ARHGAP26: variants seen among roughly 807,000 people sequenced by gnomAD.
ARHGAP26 encodes Rho GTPase activating protein 26.
In ARHGAP26, 38 loss-of-function variants were observed where a neutral mutation model predicts 104.8. The ratio of observed to expected loss-of-function variants is 0.36; its 90% confidence interval spans 0.28 to 0.48. The LOEUF (loss-of-function observed/expected upper bound fraction) is 0.48, where lower values mean the gene tolerates loss of function less well. Ranked by LOEUF, ARHGAP26 falls within the 20% of genes least tolerant of loss-of-function variation. The pLI is 0.99. For missense variants in ARHGAP26, 704 were observed against 947.9 expected (o/e 0.74, Z 3.38); for synonymous variants, 341 against 340.0 (o/e 1.00, Z -0.03).
chr5:142,941,524 C>G (rs543702837), intron 11 of ARHGAP26, among the ~76,000 whole-genome samples: 1 of 152,270 alleles, frequency 6.6e-6, no homozygotes, highest in South Asian at 2.1e-4. Flanking sequence ...GTTTGCGTGT[C>G]TTTTCCTCTA....
chr5:143,122,451 A>G (rs967612961), intron 18 of ARHGAP26, among the ~76,000 whole-genome samples: 2 of 152,044 alleles, frequency 1.3e-5, no homozygotes, highest in Non-Finnish European at 1.5e-5. Context: ...TATAATCCCA[A>G]CTTCCTGCAT....
chr5:142,862,120 G>C (rs1452661684), intron 1 of ARHGAP26, among the ~76,000 whole-genome samples: 2 of 152,164 alleles, frequency 1.3e-5, no homozygotes, highest in African/African-American at 4.8e-5. Context: ...TTCTTTGCTA[G>C]AGAAAGCTAG....
At chr5:142,889,704 C>G (rs1314380745) in intron 5 of ARHGAP26, among the ~76,000 whole-genome samples, 1 of 152,104 alleles carries the variant, frequency 6.6e-6, no homozygotes, top group African/African-American at 2.4e-5. Flanking sequence ...CAATGAAAGC[C>G]TCTCCTAAAG....
At chr5:142,982,993 C>T (rs1774170751) in intron 11 of ARHGAP26, among the ~76,000 whole-genome samples, 1 of 152,156 alleles carries the variant, frequency 6.6e-6, no homozygotes, top group Non-Finnish European at 1.5e-5. Context: ...GTGGTTATTT[C>T]GTGCAGGTGA....
In ARHGAP26 at chr5:142,845,329, G is replaced by A. The variant is rs570753430; in HGVS notation, c.155-28071G>A. On this transcript the variant is annotated intron_variant, in intron 1 of 22. Transcript: ENST00000645722. Reference sequence around the variant, plus strand: ...GAAGAATGCTTCCGGGTGGGTATTTGTTATCACCCTGCTTCACAGATGAGG... The same window carrying A: ...GAAGAATGCTTCCGGGTGGGTATTTATTATCACCCTGCTTCACAGATGAGG... 3.9e-5 allele frequency among the ~76,000 whole-genome samples: 6 copies of A among 152,254 alleles called. No individual in the cohort carries two copies. The South Asian group carries it at 6.2e-4, about 16-fold the overall frequency.
intron 1 of ARHGAP26, among the ~76,000 whole-genome samples, chr5:142,806,055 T>C (rs1016659134): frequency 2.0e-5 from 3 of 152,212 alleles, no homozygotes; most frequent in Non-Finnish European, 4.4e-5. Context: ...GTCTTATTCT[T>C]GGAGTGTATC....
intron 17 of ARHGAP26, among the ~76,000 whole-genome samples, chr5:143,101,083 ACT>A (rs766871007): frequency 6.6e-6 from 1 of 152,082 alleles, no homozygotes; most frequent in African/African-American, 2.4e-5. Flanking sequence ...ACAAAGCAAG[ACT>A]CTATCTCAAA....
At chr5:143,010,478 G>C (rs1356270910) in intron 11 of ARHGAP26, among the ~76,000 whole-genome samples, 1 of 152,228 alleles carries the variant, frequency 6.6e-6, no homozygotes, top group Non-Finnish European at 1.5e-5. Flanking sequence ...TTAGTGCTGT[G>C]ACTGAGCCAC....
intron 20 of ARHGAP26, among the ~76,000 whole-genome samples, chr5:143,196,536 T>C (rs563930385): frequency 9.2e-5 from 14 of 152,330 alleles, no homozygotes; most frequent in African/African-American, 3.1e-4. Flanking sequence ...AATATTATTG[T>C]TGATTTATTA....
chr5:142,964,543 AAC>A (rs200282524), intron 11 of ARHGAP26, among the ~76,000 whole-genome samples: 13,004 of 74,156 alleles, frequency 0.18, 1,405 homozygotes, highest in African/African-American at 0.48. Flanking sequence ...CTCTGTTTAA[AAC>A]ACACACACAC....
intron 11 of ARHGAP26, among the ~76,000 whole-genome samples, chr5:142,987,048 T>A (rs1427973521): frequency 2.0e-5 from 3 of 152,194 alleles, no homozygotes; most frequent in Non-Finnish European, 4.4e-5. Flanking sequence ...AGAAAGTCAT[T>A]GGTGGGGATG....
chr5:142,967,917 G>T (rs571371114), intron 11 of ARHGAP26, among the ~76,000 whole-genome samples: 2 of 152,320 alleles, frequency 1.3e-5, no homozygotes, highest in Admixed American at 6.5e-5. Flanking sequence ...GAAGCTTCTG[G>T]AGAGGTGGTC....
At chr5:142,946,267 G>T (rs1424975436) in intron 11 of ARHGAP26, among the ~76,000 whole-genome samples, 1 of 152,034 alleles carries the variant, frequency 6.6e-6, no homozygotes, top group Non-Finnish European at 1.5e-5. Context: ...TCCTTATACA[G>T]TTTGTTATCT....
intron 11 of ARHGAP26, among the ~76,000 whole-genome samples, chr5:142,974,937 A>G (rs895517755): frequency 3.9e-5 from 6 of 152,078 alleles, no homozygotes; most frequent in African/African-American, 1.4e-4. Context: ...ATTCCACCTG[A>G]AGAGTGGGAA....
At chr5:143,177,031 G>C (rs1294628258) in intron 20 of ARHGAP26, among the ~76,000 whole-genome samples, 3 of 152,176 alleles carry the variant, frequency 2.0e-5, no homozygotes, top group African/African-American at 7.2e-5. Context: ...CTTTGAACAA[G>C]CCATTTGACC....
chr5:143,012,569 A>ATG, intron 11 of ARHGAP26, among the ~76,000 whole-genome samples: 1 of 87,342 alleles, frequency 1.1e-5, no homozygotes, highest in African/African-American at 3.4e-5. Flanking sequence ...ATATATATAT[A>ATG]TATATATTAT....
At chr5:142,983,642 T>G (rs1332763332) in intron 11 of ARHGAP26, among the ~76,000 whole-genome samples, 1 of 152,204 alleles carries the variant, frequency 6.6e-6, no homozygotes, top group Admixed American at 6.5e-5. Context: ...ATAAACTATA[T>G]TTTTTGACTG....
chr5:143,066,039 C>G (rs970596307), intron 17 of ARHGAP26, among the ~76,000 whole-genome samples: 5 of 152,152 alleles, frequency 3.3e-5, no homozygotes, highest in Non-Finnish European at 7.3e-5. Context: ...TACAGTCATG[C>G]GCCACATAAC....
At chr5:142,988,329 TG>T (rs1728805604) in intron 11 of ARHGAP26, among the ~76,000 whole-genome samples, 2 of 152,248 alleles carry the variant, frequency 1.3e-5, no homozygotes, top group Admixed American at 1.3e-4. Context: ...GTGGGATTGG[TG>T]GTGATATCCC....
Sources: gnomAD v4.1 joint callset for allele counts (sites outside exome capture counted in the v4.1 genomes callset) on GRCh38, gnomAD v4.1.1 for gene constraint, MANE v1.5 for transcripts, NCBI Gene and HGNC (gene_info 2026-07-23, HGNC 2026-07-21) for gene names.